Variants in SPMIP9 observed in about 807,000 individuals in gnomAD.
SPMIP9 encodes sperm microtubule inner protein 9.
chr2:88,527,585 A>G, the SPMIP9 span, among the ~76,000 whole-genome samples: 1 of 152,166 alleles, frequency 6.6e-6, no homozygotes, highest in Non-Finnish European at 1.5e-5. Context: ...GCTAAACATT[A>G]TGGCATATTA....
the SPMIP9 span, among the ~76,000 whole-genome samples, chr2:88,525,284 A>G: frequency 5.3e-5 from 8 of 152,242 alleles, no homozygotes; most frequent in Non-Finnish European, 8.8e-5. Context: ...GGCAGATGCT[A>G]TAAACCCAGG....
chr2:88,526,553 G>A, the SPMIP9 span: 4 of 1,335,484 alleles, frequency 3.0e-6, no homozygotes, highest in Non-Finnish European at 4.3e-6. Flanking sequence ...AATCCTCTCT[G>A]TTGCTTCATT....
the SPMIP9 span, among the ~76,000 whole-genome samples, chr2:88,527,814 A>G: frequency 6.6e-6 from 1 of 152,360 alleles, no homozygotes; most frequent in South Asian, 2.1e-4. Flanking sequence ...AGTATTAGGT[A>G]AAATCACTGT....
the SPMIP9 span, chr2:88,529,443 G>A: frequency 3.8e-4 from 613 of 1,613,480 alleles, 3 homozygotes; most frequent in African/African-American, 6.9e-3. Flanking sequence ...ATCTTGAACC[G>A]GTGGGGACCC....
chr2:88,527,208 C>G, the SPMIP9 span, among the ~76,000 whole-genome samples: 2 of 152,062 alleles, frequency 1.3e-5, no homozygotes, highest in African/African-American at 4.8e-5. Context: ...TGGCTCACAC[C>G]TGGAATCCCA....
chr2:88,529,243 C>A, the SPMIP9 span: 2 of 1,614,188 alleles, frequency 1.2e-6, no homozygotes, highest in Non-Finnish European at 1.7e-6. Flanking sequence ...AGTTCACCAG[C>A]ACCTGCCATT....
chr2:88,529,286 G>A, the SPMIP9 span: 1 of 1,614,126 alleles, frequency 6.2e-7, no homozygotes, highest in East Asian at 2.2e-5. Flanking sequence ...TCTGCACCTG[G>A]CCCAGGGTGA....
the SPMIP9 span, chr2:88,529,474 G>A: frequency 1.2e-6 from 2 of 1,608,768 alleles, no homozygotes; most frequent in Admixed American, 1.7e-5. Flanking sequence ...TTTACCAGTA[G>A]GAAGGATGAA....
chr2:88,526,373 A>C, the SPMIP9 span: 14 of 1,520,538 alleles, frequency 9.2e-6, no homozygotes, highest in East Asian at 2.9e-4. Context: ...TGACGAGGGA[A>C]TCTCTTGTTT....
chr2:88,525,510 A>G, the SPMIP9 span: 1 of 970,444 alleles, frequency 1.0e-6, no homozygotes, highest in Non-Finnish European at 1.7e-6. Context: ...GTAGGAGCCC[A>G]GGGAAGATGG....
chr2:88,527,231 G>A, the SPMIP9 span, among the ~76,000 whole-genome samples: 9 of 152,072 alleles, frequency 5.9e-5, no homozygotes, highest in Admixed American at 5.9e-4. Context: ...ATTTTGGGAG[G>A]CAGAGGCGGC....
At chr2:88,524,659 G>C in the SPMIP9 span, 1 of 152,454 alleles carries the variant, frequency 6.6e-6, no homozygotes, top group East Asian at 1.9e-4. Flanking sequence ...ACAGCAACAG[G>C]ACTCTCCATG....
chr2:88,528,211 C>G, the SPMIP9 span, among the ~76,000 whole-genome samples: 1 of 149,386 alleles, frequency 6.7e-6, no homozygotes, highest in Non-Finnish European at 1.5e-5. Flanking sequence ...GATCTTGGCT[C>G]ACTGCAACCT....
chr2:88,529,245 C>T, the SPMIP9 span: 1 of 1,614,174 alleles, frequency 6.2e-7, no homozygotes, highest in Non-Finnish European at 8.5e-7. Flanking sequence ...TTCACCAGCA[C>T]CTGCCATTTC....
the SPMIP9 span, chr2:88,525,763 C>A: frequency 2.4e-6 from 3 of 1,275,012 alleles, no homozygotes; most frequent in South Asian, 1.2e-5. Context: ...TCTAGAAGCT[C>A]ATCTTTCTGT....
chr2:88,528,374 G>A, the SPMIP9 span, among the ~76,000 whole-genome samples: 6 of 152,130 alleles, frequency 3.9e-5, no homozygotes, highest in Admixed American at 3.3e-4. Context: ...CTGTCCTCAA[G>A]TGATCCACTC....
At chr2:88,529,234 G>C in the SPMIP9 span, 1 of 1,614,180 alleles carries the variant, frequency 6.2e-7, no homozygotes, top group Non-Finnish European at 8.5e-7. Context: ...ACGAGCGCAA[G>C]TTCACCAGCA....
the SPMIP9 span, chr2:88,526,625 A>T: frequency 1.4e-6 from 1 of 735,724 alleles, no homozygotes; most frequent in Admixed American, 2.2e-5. Flanking sequence ...AGGAGATATG[A>T]CTTAGAGATC....
the SPMIP9 span, among the ~76,000 whole-genome samples, chr2:88,527,291 C>T: frequency 1.3e-5 from 2 of 152,054 alleles, no homozygotes; most frequent in South Asian, 2.1e-4. Context: ...GCCAGCAGTT[C>T]GAGACCAGCC....
Sources: allele counts gnomAD v4.1 joint callset (sites outside exome capture counted in the v4.1 genomes callset), GRCh38; gene constraint gnomAD v4.1.1; transcripts MANE v1.5; gene names NCBI Gene and HGNC (gene_info 2026-07-23, HGNC 2026-07-21).